DIS3L2: variants seen among roughly 807,000 people sequenced by gnomAD.
DIS3L2 encodes the protein DIS3-like exonuclease 2.
A neutral mutation model predicts 97.5 loss-of-function variants in DIS3L2; 34 were observed. The ratio of observed to expected loss-of-function variants is 0.35; its 90% CI spans 0.27 to 0.46. DIS3L2 has a LOEUF of 0.46. DIS3L2 is among the 20% of genes least tolerant of loss of function. The pLI is 1.00. For missense variants in DIS3L2, 1,038 were observed against 1,146.0 expected (o/e 0.91, Z 1.36); for synonymous variants, 435 against 445.2 (o/e 0.98, Z 0.29).
At chr2:232,097,384 G>A (rs960517864) in intron 6 of DIS3L2, among the ~76,000 whole-genome samples, 1 of 152,136 alleles carries the variant, frequency 6.6e-6, no homozygotes, top group African/African-American at 2.4e-5. Context: ...ACAGCACTGG[G>A]TCTCACGCAA....
rs190592867 is a variant in DIS3L2, at chr2:232,234,445, G to A, written c.1205-4088G>A. Among the ~76,000 whole-genome samples, 7 of 152,320 alleles carry A rather than the reference G, an allele frequency of 4.6e-5. No homozygotes were observed. The East Asian group carries it at 1.4e-3, about 29-fold the overall frequency. On this transcript the variant is annotated intron_variant, in intron 10 of 20. Transcript: ENST00000325385. ...GCTCACTGCAACCTCCACCTCCCGG[G>A]TTCGAGTGATTCTCCTGCCTCAGCC... is the stretch of plus-strand genomic sequence containing the variant.
chr2:231,972,575 G>C (rs2106166175), intron 1 of DIS3L2, among the ~76,000 whole-genome samples: 1 of 152,254 alleles, frequency 6.6e-6, no homozygotes, highest in Non-Finnish European at 1.5e-5. Flanking sequence ...ATGGAATCTT[G>C]CTCTGTCACC....
Position 232,326,939 on chromosome 2 carries a change from G to A in DIS3L2, c.1740-2874G>A, listed in dbSNP as rs181724544. ...TGGGGGTCCAGGGAGAGCAGGTAGC[G>A]GAGTTGCCAGGGAAGCAGCTTGCCT... On this transcript the variant is annotated intron_variant, in intron 14 of 20. Coordinates refer to ENST00000325385, the MANE Select transcript of DIS3L2 (RefSeq NM_152383.5). 5.4e-3 allele frequency among the ~76,000 whole-genome samples: 823 copies of A among 152,352 alleles called. 2 individuals carry two copies. The highest frequency in any genetic ancestry group is 0.013 in the Admixed American group (192 of 15,304).
intron 10 of DIS3L2, among the ~76,000 whole-genome samples, chr2:232,212,408 T>C (rs1692216829): frequency 6.6e-6 from 1 of 152,226 alleles, no homozygotes; most frequent in African/African-American, 2.4e-5. Context: ...ATCTACTACC[T>C]GTTCCTCTGT....
In DIS3L2 at chr2:232,334,697, G is replaced by T. The variant is rs569638131; in HGVS notation, c.2356G>T (p.Val786Leu). The change falls in exon 19 of 21, where the codon GTG (valine) becomes TTG (leucine). Residue 786 changes from valine to leucine, a missense_variant. This residue lies in a region of DIS3L2 where 221 missense variants were observed against 246.9 expected (regional missense o/e 0.90). Coordinates refer to ENST00000325385, the MANE Select transcript of DIS3L2 (RefSeq NM_152383.5). Reference protein sequence around the residue: ...GILKQAFDVLVLRYGVQKRIY... With the variant: ...GILKQAFDVLLLRYGVQKRIY... ...CCTGAAGCAAGCCTTCGACGTGCTG[G>T]TGCTGCGCTACGGCGTGCAGAAGCG... is the stretch of plus-strand genomic sequence containing the variant. The T allele has an allele frequency of 2.9e-5, 47 of 1,610,644 alleles. No individual in the cohort carries two copies. Among genetic ancestry groups the T allele is most frequent in the Non-Finnish European group, 3.9e-5 (46 of 1,178,766 alleles).
chr2:231,991,887 C>T (rs962889648), intron 1 of DIS3L2, among the ~76,000 whole-genome samples: 1 of 152,176 alleles, frequency 6.6e-6, no homozygotes, highest in African/African-American at 2.4e-5. Context: ...TGTGCTAGCC[C>T]TTCCAGGAAC....
At chr2:232,104,651 T>C (rs1275580485) in intron 6 of DIS3L2, among the ~76,000 whole-genome samples, 6 of 152,232 alleles carry the variant, frequency 3.9e-5, no homozygotes, top group Admixed American at 3.9e-4. Flanking sequence ...AGATTTCATA[T>C]AAGTGGAATC....
intron 10 of DIS3L2, among the ~76,000 whole-genome samples, chr2:232,223,498 G>A (rs1692558984): frequency 6.6e-6 from 1 of 152,158 alleles, no homozygotes; most frequent in African/African-American, 2.4e-5. Context: ...GCCTATTGTT[G>A]CGTAAACACA....
intron 7 of DIS3L2, among the ~76,000 whole-genome samples, chr2:232,133,541 G>A (rs999895095): frequency 6.6e-6 from 1 of 152,162 alleles, no homozygotes; most frequent in African/African-American, 2.4e-5. Flanking sequence ...ATCACAACAT[G>A]AATGAGAAGA....
chr2:232,067,706 G>A (rs1411015902), intron 5 of DIS3L2, among the ~76,000 whole-genome samples: 10 of 152,158 alleles, frequency 6.6e-5, no homozygotes, highest in Non-Finnish European at 1.3e-4. Context: ...TTATTTAATT[G>A]TGAAAATATC....
intron 10 of DIS3L2, among the ~76,000 whole-genome samples, chr2:232,216,931 C>T (rs982960234): frequency 1.3e-5 from 2 of 151,762 alleles, no homozygotes; most frequent in Admixed American, 1.3e-4. Context: ...CAACCTCCCC[C>T]TCCTGGGTTC....
At chr2:232,287,831 A>G (rs1694487364) in intron 13 of DIS3L2, among the ~76,000 whole-genome samples, 1 of 152,232 alleles carries the variant, frequency 6.6e-6, no homozygotes, top group African/African-American at 2.4e-5. Context: ...ACCACAGTTA[A>G]AACAGCATCT....
At chr2:232,026,882 C>G (rs1023906143) in intron 4 of DIS3L2, among the ~76,000 whole-genome samples, 1 of 151,992 alleles carries the variant, frequency 6.6e-6, no homozygotes, top group South Asian at 2.1e-4. Context: ...TAGACAGTTG[C>G]GATATTAGGA....
chr2:232,246,028 T>C (rs949784767), intron 11 of DIS3L2, among the ~76,000 whole-genome samples: 1 of 152,038 alleles, frequency 6.6e-6, no homozygotes, highest in African/African-American at 2.4e-5. Flanking sequence ...ATGCATCAGG[T>C]GTAGAGAGAG....
chr2:232,327,788 G>C (rs903640968), intron 14 of DIS3L2, among the ~76,000 whole-genome samples: 14 of 152,174 alleles, frequency 9.2e-5, no homozygotes, highest in Admixed American at 2.6e-4. Flanking sequence ...CTGGCCATGT[G>C]GGGGGCAGGT....
At chr2:231,988,290 AACTC>A (rs1208562003) in intron 1 of DIS3L2, among the ~76,000 whole-genome samples, 1 of 152,196 alleles carries the variant, frequency 6.6e-6, no homozygotes, top group African/African-American at 2.4e-5. Context: ...CTATCTTTCA[AACTC>A]ACTCATGTTG....
intron 10 of DIS3L2, among the ~76,000 whole-genome samples, chr2:232,225,142 T>C (rs61250340): frequency 0.053 from 8,055 of 152,206 alleles, 771 homozygotes; most frequent in East Asian, 0.42. Context: ...ATACTGCTAG[T>C]AGGAGTCTAA....
chr2:232,029,484 C>T (rs1694745705), intron 4 of DIS3L2, among the ~76,000 whole-genome samples: 2 of 151,822 alleles, frequency 1.3e-5, no homozygotes, highest in African/African-American at 4.8e-5. Context: ...ATGAAAGTGT[C>T]TGTATCTTGT....
At chr2:232,122,932 G>A (rs1279974751) in intron 6 of DIS3L2, among the ~76,000 whole-genome samples, 1 of 152,174 alleles carries the variant, frequency 6.6e-6, no homozygotes, top group African/African-American at 2.4e-5. Context: ...ATAGGATCTA[G>A]GTTTGAATTT....
Sources: allele counts gnomAD v4.1 joint callset (sites outside exome capture counted in the v4.1 genomes callset), GRCh38; gene constraint gnomAD v4.1.1; regional missense constraint gnomAD v4.1.1; transcripts MANE v1.5; gene names NCBI Gene and HGNC (gene_info 2026-07-23, HGNC 2026-07-21).